The following ZNF282 variants were observed in gnomAD, a reference collection of about 807,000 sequenced individuals.
ZNF282 encodes HTLV-I U5 repressive element-binding protein 1.
ZNF282 carries 30 observed loss-of-function variants against 61.9 expected under a neutral mutation model. The ratio of observed to expected loss-of-function variants is 0.48; its 90% CI spans 0.36 to 0.66. ZNF282 has a LOEUF of 0.66. Among genes scored for constraint, ZNF282 ranks in the 30% least tolerant of loss-of-function variants. The pLI is 0.00. For missense variants in ZNF282, 788 were observed against 941.4 expected (o/e 0.84, Z 2.13); for synonymous variants, 396 against 405.0 (o/e 0.98, Z 0.27).
At position 149,210,615 on chromosome 7, in the gene ZNF282, C is replaced by T. The variant is rs1796067417; in HGVS notation, c.863C>T (p.Ala288Val). 5 of 1,611,870 alleles carry T rather than the reference C, an allele frequency of 3.1e-6. No homozygotes were observed. Among genetic ancestry groups the T allele is most frequent in the African/African-American group, 2.7e-5 (2 of 75,042 alleles). ...GAEPLVPAQD[A>V]SSQVKREDTL... ...GAGCCCCTGGTGCCTGCGCAGGATG[C>T]GTCCTCCCAGGTGAAGCGTGAGGAC... The change falls in exon 5 of 8, where the codon GCG becomes GTG. Residue 288 changes from alanine (A) to valine (V), a missense_variant. Ala to Val is a moderately conservative substitution (Grantham distance 64). Coordinates refer to ENST00000610704, the MANE Select transcript of ZNF282 (RefSeq NM_003575.4).
chr7:149,219,336 A>G (rs1452135517), intron 7 of ZNF282, among the ~76,000 whole-genome samples: 1 of 152,260 alleles, frequency 6.6e-6, no homozygotes, highest in Non-Finnish European at 1.5e-5. Flanking sequence ...GTTCAGGACT[A>G]TATGAGTTCT....
At chr7:149,205,624 C>A (rs1047738764) in intron 2 of ZNF282, among the ~76,000 whole-genome samples, 1 of 152,004 alleles carries the variant, frequency 6.6e-6, no homozygotes, top group Non-Finnish European at 1.5e-5. Flanking sequence ...AGACATCGCA[C>A]CTGCGCATGG....
At chr7:149,217,648 G>A (rs1202392) in intron 7 of ZNF282, among the ~76,000 whole-genome samples, 20,956 of 152,078 alleles carry the variant, frequency 0.14, 1,584 homozygotes, top group Middle Eastern at 0.19. Context: ...GCAAGGTAAA[G>A]CCAGGATGCA....
intron 4 of ZNF282, among the ~76,000 whole-genome samples, chr7:149,209,570 G>T (rs2129523365): frequency 6.6e-6 from 1 of 152,228 alleles, no homozygotes; most frequent in South Asian, 2.1e-4. Flanking sequence ...GTTTCAGTTG[G>T]TTATCAAACC....
intron 4 of ZNF282, among the ~76,000 whole-genome samples, chr7:149,209,481 G>A (rs1345194671): frequency 6.6e-6 from 1 of 152,182 alleles, no homozygotes; most frequent in Non-Finnish European, 1.5e-5. Flanking sequence ...GACTGCAGAA[G>A]TTTAAGGTCA....
At chr7:149,207,602 C>T (rs1472869274) in intron 4 of ZNF282, 132 bp downstream of exon 4, 15 of 1,350,448 alleles carry the variant, frequency 1.1e-5, no homozygotes, top group Non-Finnish European at 1.5e-5. Context: ...CTCCCAGGGG[C>T]CAGTTCTGCC....
At chr7:149,201,327 T>C (rs1008065199) in intron 2 of ZNF282, among the ~76,000 whole-genome samples, 3 of 152,248 alleles carry the variant, frequency 2.0e-5, no homozygotes, top group Non-Finnish European at 4.4e-5. Flanking sequence ...GTCTTTCATC[T>C]GATTTTTGCC....
intron 4 of ZNF282, 61 bp downstream of exon 4, chr7:149,207,531 C>T (rs952597016): frequency 7.2e-5 from 112 of 1,545,670 alleles, no homozygotes; most frequent in Non-Finnish European, 8.5e-5. Flanking sequence ...AGCCGGCTTT[C>T]CGCACACTGC....
Position 149,225,575 on chromosome 7 carries a change from T to C in ZNF282, c.*928T>C, listed in dbSNP as rs11976830. 0.13 allele frequency: 20,067 copies of C among 152,668 alleles called. 1,344 individuals are homozygous for C. Among genetic ancestry groups the C allele is most frequent in the South Asian group, 0.15 (703 of 4,820 alleles). The allele number at this position is 152,668 out of a possible 1,614,324, so 9.5% of individuals were successfully genotyped here. ...CAGTGGCCTGGTCCCCCACAGGCAG[T>C]TAGGGCCCCAGGTCAGACCTCACCA... On this transcript the variant is annotated 3_prime_UTR_variant, in exon 8 of 8. Transcript: ENST00000610704.
chr7:149,214,596 GAGGTGGA>G (rs945350052), intron 7 of ZNF282, among the ~76,000 whole-genome samples: 1 of 152,150 alleles, frequency 6.6e-6, no homozygotes, highest in African/African-American at 2.4e-5. Context: ...TTGGGAGGCT[GAGGTGGA>G]AGGATCTCTT....
chr7:149,211,269 G>A lies in ZNF282; in HGVS notation c.952+565G>A, dbSNP rs1796080300. Among the ~76,000 whole-genome samples the A allele has an allele frequency of 2.0e-5, 3 of 152,054 alleles. No homozygotes were observed. In the South Asian group the frequency reaches 6.2e-4, roughly 31 times the overall value. On this transcript the variant is annotated intron_variant, in intron 5 of 7. Transcript: ENST00000610704. ...AGAGAAACAGGACCTGTAAGGGTGT[G>A]TGTGGAAAAGAGAGATTTATTTTAT... is the stretch of plus-strand genomic sequence containing the variant.
At chr7:149,214,847 A>G (rs925308579) in intron 7 of ZNF282, among the ~76,000 whole-genome samples, 1 of 152,122 alleles carries the variant, frequency 6.6e-6, no homozygotes, top group Non-Finnish European at 1.5e-5. Flanking sequence ...ACCTGAAAGA[A>G]AAAACAAAAA....
intron 7 of ZNF282, among the ~76,000 whole-genome samples, chr7:149,214,235 A>G (rs1796129963): frequency 6.6e-6 from 1 of 152,070 alleles, no homozygotes; most frequent in Non-Finnish European, 1.5e-5. Flanking sequence ...CTGTTGTCAC[A>G]TGGTGTTCCC....
At chr7:149,218,119 A>AAAAGAG (rs1554471224) in intron 7 of ZNF282, among the ~76,000 whole-genome samples, 3 of 149,940 alleles carry the variant, frequency 2.0e-5, no homozygotes, top group African/African-American at 5.0e-5. Flanking sequence ...AAAAAAAAAA[A>AAAAGAG]AGAGAGAGAG....
rs1177181102 is a variant in ZNF282, at chr7:149,225,436, C to T, written c.*789C>T. 3 of 152,150 alleles carry T rather than the reference C, an allele frequency of 2.0e-5. No individual in the cohort carries two copies. The highest frequency in any genetic ancestry group is 4.4e-5 in the Non-Finnish European group (3 of 68,098). 9.4% of individuals were successfully genotyped at this position (152,150 alleles called of 1,614,324 possible). On this transcript the variant is annotated 3_prime_UTR_variant, in exon 8 of 8. Coordinates refer to ENST00000610704, the MANE Select transcript of ZNF282 (RefSeq NM_003575.4). ...CCGGGAACAGATTGGCTACGGAACG[C>T]CCCAGGTTGTACATTCAGAGGGCTC...
chr7:149,195,552 C>A lies in ZNF282; in HGVS notation c.-38C>A. 6.2e-7 allele frequency: 1 copy of A among 1,602,006 alleles called. No individual in the cohort carries two copies. Among genetic ancestry groups the A allele is most frequent in the Non-Finnish European group, 8.5e-7 (1 of 1,175,604 alleles). On this transcript the variant is annotated 5_prime_UTR_variant, in exon 1 of 8. Coordinates refer to ENST00000610704, the MANE Select transcript of ZNF282 (RefSeq NM_003575.4). ...AAGGCGCCTGGAAAACGTTCTTCTT[C>A]TCCCTGGCCGACCCGAGCGGGGAAC... is the stretch of plus-strand genomic sequence containing the variant.
chr7:149,202,234 T>A (rs1335642280), intron 2 of ZNF282, among the ~76,000 whole-genome samples: 1 of 145,832 alleles, frequency 6.9e-6, no homozygotes, highest in Non-Finnish European at 1.5e-5. Context: ...AACTTCTGCC[T>A]CCCAGGTTCA....
At position 149,212,481 on chromosome 7, in the gene ZNF282, A is replaced by C. The variant is rs760373847; in HGVS notation, c.1066+10A>C. The C allele has an allele frequency of 3.1e-6, 5 of 1,590,474 alleles. No homozygotes were observed. Among genetic ancestry groups the C allele is most frequent in the Non-Finnish European group, 4.3e-6 (5 of 1,164,588 alleles). On this transcript the variant is annotated intron_variant, in intron 6 of 7. Coordinates refer to ENST00000610704, the MANE Select transcript of ZNF282 (RefSeq NM_003575.4). Reference sequence around the variant, plus strand: ...ACGGATCCCAATTCAGGTGAGAACAAGGTCAGAATGAATCTTGAGGGCAAC... The same window carrying C: ...ACGGATCCCAATTCAGGTGAGAACACGGTCAGAATGAATCTTGAGGGCAAC...
rs769561339 is a variant in ZNF282, at chr7:149,210,723, C to T, written c.952+19C>T. The T allele has an allele frequency of 1.6e-5, 25 of 1,560,246 alleles. No homozygotes were observed. Among genetic ancestry groups the T allele is most frequent in the East Asian group, 2.3e-5 (1 of 43,818 alleles). On this transcript the variant is annotated intron_variant, in intron 5 of 7. Coordinates refer to ENST00000610704, the MANE Select transcript of ZNF282 (RefSeq NM_003575.4). ...ATTACCGGTGAGTGAGCCAAGCAGCCGTCCACACCAGGGAGGGGAGGGGAG... is the reference window on the plus strand; with the variant it reads ...ATTACCGGTGAGTGAGCCAAGCAGCTGTCCACACCAGGGAGGGGAGGGGAG...
Sources: gnomAD v4.1 joint callset for allele counts (sites outside exome capture counted in the v4.1 genomes callset) on GRCh38, gnomAD v4.1.1 for gene constraint, MANE v1.5 for transcripts, NCBI Gene and HGNC (gene_info 2026-07-23, HGNC 2026-07-21) for gene names.